Variants in ANKS1B observed in about 807,000 individuals in gnomAD.
ANKS1B encodes the protein ankyrin repeat and sterile alpha motif domain-containing protein 1B.
ANKS1B carries 36 observed loss-of-function variants against 148.3 expected under a neutral mutation model. That is an observed-to-expected ratio of 0.24 (90% confidence interval 0.19 to 0.32). The LOEUF (loss-of-function observed/expected upper bound fraction) is 0.32. ANKS1B is among the 10% of genes least tolerant of loss of function. The pLI, the probability that ANKS1B is intolerant of heterozygous loss-of-function variation, is 1.00. For missense variants in ANKS1B, 1,157 were observed against 1,542.6 expected (o/e 0.75, Z 4.19); for synonymous variants, 542 against 560.8 (o/e 0.97, Z 0.47).
intron 12 of ANKS1B, among the ~76,000 whole-genome samples, chr12:99,366,341 G>A (rs190902298): frequency 6.9e-4 from 105 of 152,268 alleles, no homozygotes; most frequent in Middle Eastern, 3.4e-3. Flanking sequence ...TCAGCCTCAG[G>A]ACACTAATGG....
At chr12:99,734,284 T>G (rs973182890) in intron 8 of ANKS1B, among the ~76,000 whole-genome samples, 3 of 152,126 alleles carry the variant, frequency 2.0e-5, no homozygotes, top group Admixed American at 6.6e-5. Flanking sequence ...TTCTCTCTAC[T>G]AGAAAACCTA....
intron 12 of ANKS1B, among the ~76,000 whole-genome samples, chr12:99,338,239 C>A (rs2089308532): frequency 6.6e-6 from 1 of 152,172 alleles, no homozygotes; most frequent in African/African-American, 2.4e-5. Context: ...ATGCAAGCCA[C>A]AAGACAAAGT....
intron 10 of ANKS1B, among the ~76,000 whole-genome samples, chr12:99,461,935 T>A (rs1032149870): frequency 6.6e-6 from 1 of 152,220 alleles, no homozygotes; most frequent in Non-Finnish European, 1.5e-5. Context: ...CTACATCTAT[T>A]GTTTAATCCC....
intron 15 of ANKS1B, among the ~76,000 whole-genome samples, chr12:99,092,891 T>C (rs975708730): frequency 3.3e-5 from 5 of 152,180 alleles, no homozygotes; most frequent in African/African-American, 4.8e-5. Flanking sequence ...ACATAGGTGG[T>C]ATTATTTTCA....
intron 8 of ANKS1B, among the ~76,000 whole-genome samples, chr12:99,666,464 T>C (rs1187539973): frequency 6.6e-6 from 1 of 152,198 alleles, no homozygotes; most frequent in African/African-American, 2.4e-5. Flanking sequence ...TTAATTTCCA[T>C]CAACAATATT....
intron 19 of ANKS1B, among the ~76,000 whole-genome samples, chr12:98,820,407 C>T (rs1006197446): frequency 1.3e-5 from 2 of 152,186 alleles, no homozygotes; most frequent in African/African-American, 4.8e-5. Context: ...CGCTATTGTT[C>T]CAGGCAGTGT....
At chr12:99,835,996 C>A (rs2153693096) in intron 1 of ANKS1B, among the ~76,000 whole-genome samples, 1 of 152,286 alleles carries the variant, frequency 6.6e-6, no homozygotes, top group African/African-American at 2.4e-5. Context: ...AACCCACATA[C>A]TATCCCATAT....
intron 1 of ANKS1B, among the ~76,000 whole-genome samples, chr12:99,915,519 A>C (rs2094146274): frequency 6.6e-6 from 1 of 152,180 alleles, no homozygotes. Context: ...TGGGATGTCA[A>C]TGTGACTGAC....
chr12:99,756,776 A>G lies in ANKS1B; in HGVS notation c.1128+16146T>C, dbSNP rs2061609784. Among the ~76,000 whole-genome samples the G allele has an allele frequency of 2.0e-5, 3 of 150,376 alleles. No individual in the cohort carries two copies. The South Asian group carries it at 6.2e-4, about 31-fold the overall frequency. ...AGAGAATTCAGAAATAAGACCACAC[A>G]CCAGAAATAAGACCACACACCTACA... On this transcript the variant is annotated intron_variant, in intron 8 of 26. Coordinates refer to ENST00000683438, the MANE Select transcript of ANKS1B (RefSeq NM_001352186.2).
intron 12 of ANKS1B, among the ~76,000 whole-genome samples, chr12:99,308,016 G>A (rs956586437): frequency 6.6e-6 from 1 of 151,980 alleles, no homozygotes; most frequent in African/African-American, 2.4e-5. Context: ...CTATCAACCT[G>A]ATCTATCTTC....
chr12:99,311,189 C>A (rs1055972216), intron 12 of ANKS1B, among the ~76,000 whole-genome samples: 9 of 152,078 alleles, frequency 5.9e-5, no homozygotes, highest in African/African-American at 2.2e-4. Flanking sequence ...AGAATTTACT[C>A]TTGCCAATAT....
chr12:99,695,545 G>C (rs916317800), intron 8 of ANKS1B, among the ~76,000 whole-genome samples: 3 of 152,168 alleles, frequency 2.0e-5, no homozygotes, highest in African/African-American at 7.2e-5. Context: ...TCTTATGCAT[G>C]GTGGTGCCTC....
chr12:99,701,822 C>T (rs909689975), intron 8 of ANKS1B, among the ~76,000 whole-genome samples: 6 of 152,076 alleles, frequency 3.9e-5, no homozygotes, highest in Admixed American at 6.6e-5. Flanking sequence ...GCTTATTTGA[C>T]TTTATATAAC....
chr12:99,659,607 G>C (rs1365318021), intron 8 of ANKS1B, among the ~76,000 whole-genome samples: 1 of 151,964 alleles, frequency 6.6e-6, no homozygotes. Context: ...TTGAAGAAAT[G>C]GGATTTCCCT....
chr12:99,482,780 G>T (rs889511579), intron 10 of ANKS1B, among the ~76,000 whole-genome samples: 1 of 151,914 alleles, frequency 6.6e-6, no homozygotes, highest in Non-Finnish European at 1.5e-5. Context: ...TGTTGTAAAA[G>T]GGATTGAGTT....
intron 1 of ANKS1B, among the ~76,000 whole-genome samples, chr12:99,978,546 T>C (rs1012799537): frequency 2.0e-5 from 3 of 152,240 alleles, no homozygotes; most frequent in African/African-American, 4.8e-5. Context: ...TTTATAGATA[T>C]AACATTTTCA....
At chr12:99,052,653 G>A (rs1323536591) in intron 17 of ANKS1B, among the ~76,000 whole-genome samples, 2 of 144,130 alleles carry the variant, frequency 1.4e-5, no homozygotes, top group Admixed American at 6.9e-5. Flanking sequence ...GCGTGAACCC[G>A]GGAAGCGGAG....
At chr12:99,592,520 T>C (rs2097713242) in intron 9 of ANKS1B, among the ~76,000 whole-genome samples, 1 of 151,538 alleles carries the variant, frequency 6.6e-6, no homozygotes, top group South Asian at 2.1e-4. Flanking sequence ...TTTATTTATA[T>C]ACTTGGCCAG....
intron 17 of ANKS1B, among the ~76,000 whole-genome samples, chr12:99,019,269 G>A (rs1448630081): frequency 2.0e-5 from 3 of 152,122 alleles, no homozygotes; most frequent in Non-Finnish European, 4.4e-5. Context: ...ATATAAGGAC[G>A]CTTTCTGATT....
Sources: allele counts gnomAD v4.1 joint callset (sites outside exome capture counted in the v4.1 genomes callset), GRCh38; gene constraint gnomAD v4.1.1; transcripts MANE v1.5; gene names NCBI Gene and HGNC (gene_info 2026-07-23, HGNC 2026-07-21).